Variants in BHMT2 observed in about 807,000 individuals in gnomAD.
The protein encoded by BHMT2 is betaine--homocysteine S-methyltransferase 2.
In BHMT2, 28 loss-of-function variants were observed where a neutral mutation model predicts 39.0. That is an observed-to-expected ratio of 0.72 (90% CI 0.53 to 0.98). The LOEUF (loss-of-function observed/expected upper bound fraction) is 0.98, where lower values mean the gene tolerates loss of function less well. Ranked by LOEUF, BHMT2 falls within the 50% of genes least tolerant of loss-of-function variation. The pLI, the probability that BHMT2 is intolerant of heterozygous loss-of-function variation, is 0.00. For synonymous variants in BHMT2, 145 were observed against 160.6 expected (o/e 0.90, Z 0.74); for missense variants, 410 against 455.6 (o/e 0.90, Z 0.91).
intron 7 of BHMT2, 92 bp downstream of exon 7, chr5:79,083,948 A>ATG (rs1323418526): frequency 1.4e-6 from 2 of 1,460,822 alleles, no homozygotes; most frequent in African/African-American, 2.9e-5. Context: ...GACAAAAAGT[A>ATG]TAGAAATGTA....
At chr5:79,072,275 AAAAG>A (rs995341957) in intron 1 of BHMT2, among the ~76,000 whole-genome samples, 1 of 152,148 alleles carries the variant, frequency 6.6e-6, no homozygotes, top group African/African-American at 2.4e-5. Context: ...CTCAAAAAAA[AAAAG>A]AAAGAAAAGA....
At chr5:79,079,502 T>TA (rs1561240803) in intron 3 of BHMT2, 42 bp downstream of exon 3, 1 of 1,410,034 alleles carries the variant, frequency 7.1e-7, no homozygotes, top group Admixed American at 1.8e-5. Flanking sequence ...AGTCATCTAT[T>TA]AAAAAATAAC....
Position 79,077,625 on chromosome 5 carries a change from A to G in BHMT2, c.166+13A>G. On this transcript the variant is annotated intron_variant, in intron 2 of 7. Transcript: ENST00000255192. ...CACCCAGACGCAGGTTGGTGTCCAC[A>G]TCCCCAAGAGTGTCTACCTGAGTGG... 6.2e-7 allele frequency: 1 copy of G among 1,613,132 alleles called. No individual in the cohort carries two copies. Among genetic ancestry groups the G allele is most frequent in the Non-Finnish European group, 8.5e-7 (1 of 1,179,586 alleles).
chr5:79,087,894 G>A (rs942554570), intron 7 of BHMT2, among the ~76,000 whole-genome samples: 1 of 152,196 alleles, frequency 6.6e-6, no homozygotes, highest in African/African-American at 2.4e-5. Flanking sequence ...TATGTGAAAT[G>A]TAAGGCTGGG....
At chr5:79,081,201 C>G (rs896337535) in intron 4 of BHMT2, among the ~76,000 whole-genome samples, 1 of 152,138 alleles carries the variant, frequency 6.6e-6, no homozygotes, top group Non-Finnish European at 1.5e-5. Context: ...AGCACCCTCT[C>G]CAGAGGGAGA....
chr5:79,077,381 T>C, intron 1 of BHMT2, 99 bp from the exon 2 acceptor site: 1 of 1,450,714 alleles, frequency 6.9e-7, no homozygotes, highest in African/African-American at 1.4e-5. Context: ...AAACTACAGC[T>C]CTAAGAACGT....
chr5:79,080,831 C>A lies in BHMT2; in HGVS notation c.403C>A (p.Gln135Lys). The A allele has an allele frequency of 6.2e-7, 1 of 1,603,440 alleles. No individual in the cohort carries two copies. The highest frequency in any genetic ancestry group is 1.7e-5 in the Admixed American group (1 of 57,404). The change falls in exon 4 of 8, where the codon CAG becomes AAG. Residue 135 changes from glutamine (Q) to lysine (K), a missense_variant. Physicochemically the swap from Gln to Lys is moderately conservative, Grantham distance 53. Transcript: ENST00000255192. ...EARIKKLFRQ[Q>K]LEVFAWKNVD... Reference sequence around the variant, plus strand: ...TAGAATTAAAAAACTTTTTCGACAACAGCTAGAAGTTTTTGCCTGGAAAAA... The same window carrying A: ...TAGAATTAAAAAACTTTTTCGACAAAAGCTAGAAGTTTTTGCCTGGAAAAA...
intron 6 of BHMT2, 90 bp from the exon 7 acceptor site, chr5:79,083,538 G>GT (rs1755832103): frequency 1.3e-6 from 2 of 1,519,472 alleles, no homozygotes; most frequent in Non-Finnish European, 1.8e-6. Flanking sequence ...AAAGTTTATA[G>GT]TTTTTTTAAT....
At chr5:79,072,307 T>G (rs1418267393) in intron 1 of BHMT2, among the ~76,000 whole-genome samples, 2 of 151,894 alleles carry the variant, frequency 1.3e-5, no homozygotes, top group Admixed American at 1.3e-4. Context: ...AATGGCAAAT[T>G]TAAAATGGTG....
intron 7 of BHMT2, among the ~76,000 whole-genome samples, chr5:79,088,086 A>C (rs1666967069): frequency 6.6e-6 from 1 of 152,160 alleles, no homozygotes; most frequent in Non-Finnish European, 1.5e-5. Context: ...GGGCTGAGGC[A>C]GGAGGATTGC....
At chr5:79,080,948 A>G in intron 4 of BHMT2, 70 bp downstream of exon 4, 1 of 1,394,144 alleles carries the variant, frequency 7.2e-7, no homozygotes, top group Non-Finnish European at 9.6e-7. Context: ...TTCACATTTC[A>G]TGAGGGTATT....
At chr5:79,087,941 A>T (rs905324132) in intron 7 of BHMT2, among the ~76,000 whole-genome samples, 1 of 152,216 alleles carries the variant, frequency 6.6e-6, no homozygotes, top group Admixed American at 6.5e-5. Context: ...GTACTTTGGG[A>T]GGCCAAGGCA....
In BHMT2 at chr5:79,083,312, TG is replaced by T. The variant is rs776736452; in HGVS notation, c.723del (p.Phe242SerfsTer125). On this transcript the variant is annotated frameshift_variant, in exon 6 of 8. Coordinates refer to ENST00000255192, the MANE Select transcript of BHMT2 (RefSeq NM_017614.5). LOFTEE classifies it high-confidence loss of function. ...AAAGCGCACCTCATGGTGCAGCCTC[TG>T]GGGTTCCACGCGCCTGACTGTGGCA... ...GLKAHLMVQP[L>X]GFHAPDCGKE... The T allele has an allele frequency of 9.9e-6, 16 of 1,612,784 alleles. No homozygotes were observed. The Admixed American group carries it at 2.7e-4, about 27-fold the overall frequency.
chr5:79,077,647 G>C (rs1045667719), intron 2 of BHMT2, 35 bp downstream of exon 2: 2 of 1,579,750 alleles, frequency 1.3e-6, no homozygotes, highest in East Asian at 4.5e-5. Flanking sequence ...GTCTACCTGA[G>C]TGGTATTTTA....
intron 1 of BHMT2, among the ~76,000 whole-genome samples, chr5:79,075,876 A>G (rs1392711148): frequency 6.6e-6 from 1 of 152,182 alleles, no homozygotes; most frequent in African/African-American, 2.4e-5. Flanking sequence ...GCATGCAGGT[A>G]CCCCATGGCA....
chr5:79,087,010 G>GTA (rs71615505), intron 7 of BHMT2, among the ~76,000 whole-genome samples: 9,538 of 112,626 alleles, frequency 0.085, 451 homozygotes, highest in Non-Finnish European at 0.11. Flanking sequence ...GTGTGTGTGT[G>GTA]TGTGTATATA....
At position 79,088,790 on chromosome 5, in the gene BHMT2, A is replaced by G; in HGVS notation, c.*216A>G. ...CTGCAACAGACTCTACCAGAGATGCAAAGAGAAGCGAGAGAGGCACCTTGT... is the reference window on the plus strand; with the variant it reads ...CTGCAACAGACTCTACCAGAGATGCGAAGAGAAGCGAGAGAGGCACCTTGT... On this transcript the variant is annotated 3_prime_UTR_variant, in exon 8 of 8. Coordinates refer to ENST00000255192, the MANE Select transcript of BHMT2 (RefSeq NM_017614.5). 2 of 431,466 alleles carry G rather than the reference A, an allele frequency of 4.6e-6. No homozygotes were observed. The highest frequency in any genetic ancestry group is 8.5e-6 in the Non-Finnish European group (2 of 235,406). The allele number at this position is 431,466 out of a possible 1,614,324, so 26.7% of individuals were successfully genotyped here.
chr5:79,079,443 G>C lies in BHMT2; in HGVS notation c.241G>C (p.Asp81His). ...GACTTTTACCTTTTCTGCCAGTGAG[G>C]ACAATATGGAAAGCAAGGTAAACGG... is the stretch of plus-strand genomic sequence containing the variant. ...MQTFTFSASE[D>H]NMESKWEDVN... Residue 81 changes from aspartate to histidine, a missense_variant, in exon 3 of 8, where the codon GAC (aspartate) becomes CAC (histidine). Physicochemically the swap from Asp to His is moderately conservative, Grantham distance 81 (BLOSUM62 -1). Coordinates refer to ENST00000255192, the MANE Select transcript of BHMT2 (RefSeq NM_017614.5). 1.2e-6 allele frequency: 2 copies of C among 1,613,422 alleles called. No homozygotes were observed. The highest frequency in any genetic ancestry group is 1.7e-6 in the Non-Finnish European group (2 of 1,179,442).
At chr5:79,086,583 G>A (rs544129748) in intron 7 of BHMT2, among the ~76,000 whole-genome samples, 7 of 152,194 alleles carry the variant, frequency 4.6e-5, no homozygotes, top group Non-Finnish European at 7.3e-5. Context: ...CATGGATAAA[G>A]AGAAATAATC....
Sources: gnomAD v4.1 joint callset for allele counts (sites outside exome capture counted in the v4.1 genomes callset) on GRCh38, gnomAD v4.1.1 for gene constraint, MANE v1.5 for transcripts, NCBI Gene and HGNC (gene_info 2026-07-23, HGNC 2026-07-21) for gene names.